CSMD1: variants seen among roughly 807,000 people sequenced by gnomAD.
The protein encoded by CSMD1 is CUB and Sushi multiple domains 1.
In CSMD1, 213 loss-of-function variants were observed where a neutral mutation model predicts 417.5. The ratio of observed to expected loss-of-function variants is 0.51; its 90% CI spans 0.46 to 0.57. The LOEUF (loss-of-function observed/expected upper bound fraction) is 0.57, where lower values mean the gene tolerates loss of function less well. CSMD1 is among the 20% of genes least tolerant of loss of function. The probability of loss-of-function intolerance (pLI) is 0.00; values close to 1 mark genes in which losing one functional copy is unlikely to be tolerated. For missense variants in CSMD1, 6,923 were observed against 4,529.7 expected (o/e 1.53, Z -15.17); for synonymous variants, 2,862 against 1,736.8 (o/e 1.65, Z -16.11).
intron 25 of CSMD1, among the ~76,000 whole-genome samples, chr8:3,292,555 T>G (rs1803658736): frequency 6.6e-6 from 1 of 152,340 alleles, no homozygotes; most frequent in East Asian, 1.9e-4. Flanking sequence ...CTTTTCTTGT[T>G]GAATTGATCC....
chr8:4,811,467 T>C (rs1362312541), intron 1 of CSMD1, among the ~76,000 whole-genome samples: 1 of 152,154 alleles, frequency 6.6e-6, no homozygotes, highest in Non-Finnish European at 1.5e-5. Flanking sequence ...GAATACAACT[T>C]CAAAAAATAC....
intron 10 of CSMD1, among the ~76,000 whole-genome samples, chr8:3,545,516 A>G (rs1798620775): frequency 6.6e-6 from 1 of 152,194 alleles, no homozygotes; most frequent in South Asian, 2.1e-4. Context: ...AAAGAATCAT[A>G]CTGTTCGGTA....
At chr8:3,889,949 G>C (rs954090870) in intron 5 of CSMD1, among the ~76,000 whole-genome samples, 1 of 152,174 alleles carries the variant, frequency 6.6e-6, no homozygotes, top group African/African-American at 2.4e-5. Flanking sequence ...TTGGATGGCT[G>C]AGGTGGGAGG....
intron 65 of CSMD1, among the ~76,000 whole-genome samples, chr8:2,953,568 A>C (rs1402589499): frequency 6.7e-6 from 1 of 150,348 alleles, no homozygotes; most frequent in Non-Finnish European, 1.5e-5. Flanking sequence ...TACCCAACTT[A>C]AATTAATATA....
At chr8:3,032,541 G>C (rs1273282527) in intron 50 of CSMD1, among the ~76,000 whole-genome samples, 6 of 151,992 alleles carry the variant, frequency 3.9e-5, no homozygotes, top group Admixed American at 3.3e-4. Flanking sequence ...TAACAGAACT[G>C]TGACTCTCGC....
chr8:3,225,130 G>C (rs1020995019), intron 27 of CSMD1, among the ~76,000 whole-genome samples: 1 of 152,144 alleles, frequency 6.6e-6, no homozygotes, highest in African/African-American at 2.4e-5. Context: ...GAAGGAAGAT[G>C]AAGGAACATG....
At position 3,288,562 on chromosome 8, in the gene CSMD1, T is replaced by A. The variant is rs1803322204; in HGVS notation, c.3951-4216A>T. ...TGTGTCGAAGAATTTATCCATTTCTTCTAGATTTTCTAGTTTATTTGCATA... is the reference window on the plus strand; with the variant it reads ...TGTGTCGAAGAATTTATCCATTTCTACTAGATTTTCTAGTTTATTTGCATA... On this transcript the variant is annotated intron_variant, in intron 25 of 69. Coordinates refer to ENST00000635120, the MANE Select transcript of CSMD1 (RefSeq NM_033225.6). Among the ~76,000 whole-genome samples the A allele has an allele frequency of 2.7e-5, 4 of 147,598 alleles. No homozygotes were observed. In the South Asian group the frequency reaches 6.2e-4, roughly 23 times the overall value.
chr8:3,859,149 G>A (rs896984645), intron 5 of CSMD1, among the ~76,000 whole-genome samples: 1 of 152,164 alleles, frequency 6.6e-6, no homozygotes, highest in African/African-American at 2.4e-5. Flanking sequence ...CTCCACACAG[G>A]CATAGCACTG....
chr8:3,562,191 G>C (rs756371133), intron 10 of CSMD1, among the ~76,000 whole-genome samples: 1 of 152,110 alleles, frequency 6.6e-6, no homozygotes, highest in Non-Finnish European at 1.5e-5. Context: ...AAGATGGAAA[G>C]TGAATGTTAA....
chr8:3,790,207 G>T (rs2129067235), intron 5 of CSMD1, among the ~76,000 whole-genome samples: 1 of 152,294 alleles, frequency 6.6e-6, no homozygotes, highest in East Asian at 1.9e-4. Context: ...TAGTGAATCA[G>T]TGCTGCCTAC....
At chr8:4,447,446 G>A (rs1043027174) in intron 2 of CSMD1, among the ~76,000 whole-genome samples, 1 of 152,190 alleles carries the variant, frequency 6.6e-6, no homozygotes, top group African/African-American at 2.4e-5. Flanking sequence ...AGAGGAAGGA[G>A]TAGAATTTAT....
intron 3 of CSMD1, among the ~76,000 whole-genome samples, chr8:4,192,751 C>A (rs144782312): frequency 2.0e-5 from 3 of 152,198 alleles, no homozygotes; most frequent in Non-Finnish European, 2.9e-5. Flanking sequence ...TTAGTGACTT[C>A]TATCATTTCC....
chr8:4,862,264 G>C (rs1030120709), intron 1 of CSMD1, among the ~76,000 whole-genome samples: 1 of 152,028 alleles, frequency 6.6e-6, no homozygotes, highest in African/African-American at 2.4e-5. Context: ...AGCTCACAGA[G>C]GTACTGGGAG....
chr8:4,370,662 C>T (rs1378669481), intron 3 of CSMD1, among the ~76,000 whole-genome samples: 2 of 152,118 alleles, frequency 1.3e-5, no homozygotes, highest in Non-Finnish European at 2.9e-5. Flanking sequence ...TGTATGCTCA[C>T]GTTGCTTCAA....
chr8:4,169,499 C>T (rs897017625), intron 3 of CSMD1, among the ~76,000 whole-genome samples: 3 of 152,148 alleles, frequency 2.0e-5, no homozygotes, highest in African/African-American at 7.2e-5. Flanking sequence ...TCTACTGCGG[C>T]CTTGTCTCCA....
intron 5 of CSMD1, among the ~76,000 whole-genome samples, chr8:3,755,983 G>C (rs530705348): frequency 6.6e-6 from 1 of 151,790 alleles, no homozygotes; most frequent in Non-Finnish European, 1.5e-5. Flanking sequence ...TGCCTAATAC[G>C]GAGAATGTCT....
At chr8:4,499,615 ACATTATTACTT>A (rs1802152377) in intron 2 of CSMD1, among the ~76,000 whole-genome samples, 1 of 152,274 alleles carries the variant, frequency 6.6e-6, no homozygotes, top group African/African-American at 2.4e-5. Context: ...ACAGTGGAAT[ACATTATTACTT>A]CATTATATTT....
chr8:3,389,973 G>C (rs1308010341), intron 17 of CSMD1, among the ~76,000 whole-genome samples: 3 of 152,120 alleles, frequency 2.0e-5, no homozygotes, highest in East Asian at 1.9e-4. Flanking sequence ...CTGTTGAGTG[G>C]TAGAATTATG....
intron 1 of CSMD1, among the ~76,000 whole-genome samples, chr8:4,944,902 G>A (rs78099025): frequency 0.027 from 4,182 of 152,130 alleles, 175 homozygotes; most frequent in African/African-American, 0.095. Flanking sequence ...CCACTTCTGA[G>A]GATATACTCA....
Sources: gnomAD v4.1 joint callset for allele counts (sites outside exome capture counted in the v4.1 genomes callset) on GRCh38, gnomAD v4.1.1 for gene constraint, MANE v1.5 for transcripts, NCBI Gene and HGNC (gene_info 2026-07-23, HGNC 2026-07-21) for gene names.